Variants in DIS3L2 observed in about 807,000 individuals in gnomAD.
The protein encoded by DIS3L2 is DIS3-like exonuclease 2.
DIS3L2 carries 34 observed loss-of-function variants against 97.5 expected under a neutral mutation model. The ratio of observed to expected loss-of-function variants is 0.35; its 90% confidence interval spans 0.27 to 0.46. DIS3L2 has a LOEUF of 0.46. DIS3L2 is among the 20% of genes least tolerant of loss of function. The pLI, the probability that DIS3L2 is intolerant of heterozygous loss-of-function variation, is 1.00. For missense variants in DIS3L2, 1,038 were observed against 1,146.0 expected (o/e 0.91, Z 1.36); for synonymous variants, 435 against 445.2 (o/e 0.98, Z 0.29).
intron 1 of DIS3L2, among the ~76,000 whole-genome samples, chr2:231,988,273 A>G (rs1486847871): frequency 6.6e-6 from 1 of 152,220 alleles, no homozygotes; most frequent in East Asian, 1.9e-4. Flanking sequence ...TCCAAACCCT[A>G]GAATCACTAT....
At chr2:232,086,355 A>ACGTG (rs986915414) in intron 5 of DIS3L2, among the ~76,000 whole-genome samples, 9 of 84,506 alleles carry the variant, frequency 1.1e-4, no homozygotes, top group African/African-American at 4.7e-4. Flanking sequence ...ATATGTATAT[A>ACGTG]TATGTGTATA....
At chr2:232,218,138 G>A (rs1341286713) in intron 10 of DIS3L2, among the ~76,000 whole-genome samples, 2 of 152,164 alleles carry the variant, frequency 1.3e-5, no homozygotes, top group East Asian at 3.9e-4. Context: ...GTGAAAGGAG[G>A]GCAGGAGAAA....
At chr2:232,336,331 C>T (rs1695946222) in intron 20 of DIS3L2, 138 bp from the exon 21 acceptor site, 1 of 1,547,764 alleles carries the variant, frequency 6.5e-7, no homozygotes, top group Non-Finnish European at 8.7e-7. Flanking sequence ...TGGAGGGGGC[C>T]CCCATTACAG....
chr2:232,112,937 T>C (rs564887714), intron 6 of DIS3L2, among the ~76,000 whole-genome samples: 1 of 152,102 alleles, frequency 6.6e-6, no homozygotes, highest in African/African-American at 2.4e-5. Context: ...GTCACAGAGC[T>C]GGATGATAGG....
At chr2:232,242,786 G>A (rs546522559) in intron 11 of DIS3L2, among the ~76,000 whole-genome samples, 2 of 152,162 alleles carry the variant, frequency 1.3e-5, no homozygotes, top group East Asian at 3.9e-4. Context: ...TTTTCTCCAC[G>A]GCCAGCTCTT....
At chr2:232,299,922 C>G in intron 13 of DIS3L2, 118 bp from the exon 14 acceptor site, 3 of 1,023,062 alleles carry the variant, frequency 2.9e-6, no homozygotes, top group Non-Finnish European at 2.9e-6. Flanking sequence ...CCAGGTTCTC[C>G]ACAACACATT....
chr2:232,190,165 C>T (rs924260405), intron 9 of DIS3L2, among the ~76,000 whole-genome samples: 14 of 151,904 alleles, frequency 9.2e-5, no homozygotes, highest in African/African-American at 2.9e-4. Flanking sequence ...CTCATCTTTA[C>T]AAAAAATTAA....
At chr2:232,246,924 A>G (rs970092706) in intron 11 of DIS3L2, among the ~76,000 whole-genome samples, 1 of 1,346 alleles carries the variant, frequency 7.4e-4, no homozygotes, top group Non-Finnish European at 1.2e-3. Flanking sequence ...TAAACTCCTT[A>G]CTTTATTTGG....
At chr2:232,259,543 T>C (rs1693662548) in intron 12 of DIS3L2, among the ~76,000 whole-genome samples, 1 of 152,166 alleles carries the variant, frequency 6.6e-6, no homozygotes, top group African/African-American at 2.4e-5. Context: ...TCTGGGAACC[T>C]CGTGGAACTT....
chr2:232,297,503 C>A (rs2106318671), intron 13 of DIS3L2, among the ~76,000 whole-genome samples: 1 of 152,158 alleles, frequency 6.6e-6, no homozygotes, highest in South Asian at 2.1e-4. Context: ...AAAACTGGGA[C>A]CAAAAGACAC....
Position 232,169,357 on chromosome 2 carries a change from T to C in DIS3L2, c.1124+5725T>C, listed in dbSNP as rs553809124. Among the ~76,000 whole-genome samples the C allele has an allele frequency of 3.1e-3, 467 of 152,158 alleles. 1 individual carries two copies. The highest frequency in any genetic ancestry group is 4.9e-3 in the Non-Finnish European group (332 of 67,994). ...GCCGTATATGTCATATATATATATA[T>C]ACATATATGCCAAGTACTGAGTTAG... On this transcript the variant is annotated intron_variant, in intron 9 of 20. Transcript: ENST00000325385.
chr2:232,301,639 A>G (rs1379683904), intron 14 of DIS3L2, among the ~76,000 whole-genome samples: 1 of 152,168 alleles, frequency 6.6e-6, no homozygotes, highest in Admixed American at 6.5e-5. Flanking sequence ...CTAATTAATC[A>G]TAGGAAGGAT....
intron 14 of DIS3L2, among the ~76,000 whole-genome samples, chr2:232,310,222 G>C (rs755182440): frequency 6.6e-6 from 1 of 152,178 alleles, no homozygotes; most frequent in Admixed American, 6.5e-5. Context: ...TAGGAGAAAG[G>C]GGGGCTTGAA....
rs955677860 is a variant in DIS3L2, at chr2:232,325,144, T to C, written c.1740-4669T>C. Among the ~76,000 whole-genome samples the C allele has an allele frequency of 2.6e-5, 4 of 152,064 alleles. No homozygotes were observed. Among genetic ancestry groups the C allele is most frequent in the Non-Finnish European group, 4.4e-5 (3 of 68,006 alleles). The stretch of plus-strand genomic sequence containing the variant: ...TCATCACCTCTGAGCCCTGCCAGGG[T>C]GAGAGCAGCCTTTCCCAGCATCGTC... On this transcript the variant is annotated intron_variant, in intron 14 of 20. Transcript: ENST00000325385. This position sits in a 1 kb window ranked among gnomAD's most constrained non-coding sequence, Gnocchi z 4.6.
intron 1 of DIS3L2, among the ~76,000 whole-genome samples, chr2:231,999,205 AT>A (rs1483843114): frequency 4.6e-5 from 7 of 152,200 alleles, no homozygotes; most frequent in African/African-American, 1.7e-4. Flanking sequence ...TGCACTATGC[AT>A]AGTTTGCCAA....
chr2:232,095,753 T>C (rs1022485474), intron 6 of DIS3L2, among the ~76,000 whole-genome samples: 8 of 152,214 alleles, frequency 5.3e-5, no homozygotes, highest in African/African-American at 1.9e-4. Flanking sequence ...AAGTCTGGTG[T>C]TGATGAAGTC....
chr2:232,055,734 A>G (rs2106269166), intron 5 of DIS3L2, among the ~76,000 whole-genome samples: 1 of 152,346 alleles, frequency 6.6e-6, no homozygotes, highest in Admixed American at 6.5e-5. Context: ...ACCATAAGTG[A>G]GCACAGTTAC....
intron 5 of DIS3L2, among the ~76,000 whole-genome samples, chr2:232,086,813 G>A (rs942890291): frequency 6.7e-6 from 1 of 149,862 alleles, no homozygotes; most frequent in African/African-American, 2.5e-5. Context: ...CCAAGTAGCT[G>A]GGACTACAGG....
At chr2:232,157,236 A>G (rs948925148) in intron 8 of DIS3L2, among the ~76,000 whole-genome samples, 3 of 152,290 alleles carry the variant, frequency 2.0e-5, no homozygotes, top group African/African-American at 7.2e-5. Flanking sequence ...GATGAGCATT[A>G]TGTAGGCAAA....
Sources: gnomAD v4.1 joint callset for allele counts (sites outside exome capture counted in the v4.1 genomes callset) on GRCh38, gnomAD v4.1.1 for gene constraint, Gnocchi (gnomAD v3.1) non-coding constraint, MANE v1.5 for transcripts, NCBI Gene and HGNC (gene_info 2026-07-23, HGNC 2026-07-21) for gene names.